Variants in CRACR2A observed in about 807,000 individuals in gnomAD.
The protein encoded by CRACR2A is calcium release activated channel regulator 2A, also known as EF-hand calcium-binding domain-containing protein 4B.
Under a neutral mutation model 90.5 loss-of-function variants are expected in CRACR2A, and 79 were observed. That is an observed-to-expected ratio of 0.87 (90% CI 0.73 to 1.05). CRACR2A has a LOEUF of 1.05. CRACR2A is among the 50% of genes least tolerant of loss of function. The probability of loss-of-function intolerance (pLI) is 0.00; values close to 1 mark genes in which losing one functional copy is unlikely to be tolerated. For synonymous variants in CRACR2A, 338 were observed against 356.7 expected, an observed-to-expected ratio of 0.95 and a Z score of 0.59; for missense variants, 823 against 897.2, an observed-to-expected ratio of 0.92 and a Z score of 1.06.
At chr12:3,616,897 G>T in intron 19 of CRACR2A, 57 bp downstream of exon 19, 1 of 1,375,928 alleles carries the variant, frequency 7.3e-7, no homozygotes, top group Non-Finnish European at 1.0e-6. Flanking sequence ...GTGCCTCCCT[G>T]AAGGCAGACA....
chr12:3,706,795 G>T (rs912219798), intron 3 of CRACR2A, among the ~76,000 whole-genome samples: 4 of 151,984 alleles, frequency 2.6e-5, no homozygotes, highest in Admixed American at 2.0e-4. Context: ...GTAGAGTCGG[G>T]GTTTCACCAC....
chr12:3,734,652 TGC>T (rs1946420771), intron 1 of CRACR2A, among the ~76,000 whole-genome samples: 2 of 151,450 alleles, frequency 1.3e-5, no homozygotes, highest in Admixed American at 6.6e-5. Flanking sequence ...TGTGTGTGTG[TGC>T]ATATACATAA....
At chr12:3,730,499 C>T (rs2137852554) in intron 2 of CRACR2A, 1 of 152,254 alleles carries the variant, frequency 6.6e-6, no homozygotes, top group Admixed American at 6.5e-5. Context: ...CATGAAATGG[C>T]AGGTTTATTC....
intron 7 of CRACR2A, among the ~76,000 whole-genome samples, chr12:3,665,193 T>C (rs1221989310): frequency 6.6e-6 from 1 of 152,218 alleles, no homozygotes; most frequent in African/African-American, 2.4e-5. Context: ...AGGACAAAGA[T>C]GTGGAGGACC....
Position 3,638,111 on chromosome 12 carries a change from G to A in CRACR2A, c.1602+13C>T. 2 of 1,532,866 alleles carry A rather than the reference G, an allele frequency of 1.3e-6. No individual in the cohort carries two copies. Among genetic ancestry groups the A allele is most frequent in the Non-Finnish European group, 1.8e-6 (2 of 1,134,318 alleles). The allele number at this position is 1,532,866 out of a possible 1,614,324, so 95.0% of individuals were successfully genotyped here. ...AAGTGATGTGCATGAACCAAGGTAG[G>A]CTGTGCCCTTACCTTACACAGGGCT... On this transcript the variant is annotated intron_variant, in intron 14 of 19. Coordinates refer to ENST00000440314, the MANE Select transcript of CRACR2A (RefSeq NM_001144958.2).
intron 1 of CRACR2A, 136 bp from the exon 2 acceptor site, chr12:3,733,346 A>G (rs1946391438): frequency 6.6e-6 from 1 of 152,326 alleles, no homozygotes; most frequent in Non-Finnish European, 1.5e-5. Context: ...CCTCCTTTCT[A>G]GCAGAACTCC....
chr12:3,720,332 A>AAAAG (rs370876636), intron 2 of CRACR2A, among the ~76,000 whole-genome samples: 10 of 147,062 alleles, frequency 6.8e-5, no homozygotes, highest in South Asian at 2.2e-4. Context: ...AGACAGAAAG[A>AAAAG]AAAGAAAGAA....
intron 4 of CRACR2A, among the ~76,000 whole-genome samples, chr12:3,692,151 C>T (rs1160989164): frequency 3.3e-5 from 5 of 152,190 alleles, no homozygotes; most frequent in Non-Finnish European, 5.9e-5. Flanking sequence ...CTTTTTGTCA[C>T]ATCAGCCATC....
rs1162835309 is a variant in CRACR2A at position 3,616,820 on chromosome 12, C to T, written c.2111+134G>A. 10 of 674,574 alleles carry T rather than the reference C, an allele frequency of 1.5e-5. No homozygotes were observed. In the East Asian group the frequency reaches 2.7e-4, roughly 19 times the overall value. The allele number at this position is 674,574 out of a possible 1,614,324, so 41.8% of individuals were successfully genotyped here. A position where few individuals can be genotyped will look rare whatever the true frequency, so the allele number is the denominator to read the frequency against. ...AAGGCCCAGGACCCCGTTGCCTATA[C>T]TCAGAGGGCTCTGGCCAATAGGGAG... is the stretch of plus-strand genomic sequence containing the variant. On this transcript the variant is annotated intron_variant, in intron 19 of 19. Transcript: ENST00000440314.
At chr12:3,668,410 G>A (rs73047268) in intron 7 of CRACR2A, among the ~76,000 whole-genome samples, 12,552 of 152,182 alleles carry the variant, frequency 0.082, 607 homozygotes, top group African/African-American at 0.12. Context: ...GAGACGCACC[G>A]ATTTAGACTC....
chr12:3,690,123 T>C (rs1481182797), intron 4 of CRACR2A, among the ~76,000 whole-genome samples: 1 of 152,144 alleles, frequency 6.6e-6, no homozygotes, highest in African/African-American at 2.4e-5. Context: ...CTGGATTCAT[T>C]GATCTTTCTA....
chr12:3,689,096 A>C (rs1282944260), intron 4 of CRACR2A, among the ~76,000 whole-genome samples: 1 of 152,196 alleles, frequency 6.6e-6, no homozygotes, highest in African/African-American at 2.4e-5. Context: ...TTTTGGGCTG[A>C]GACTATGGGG....
At chr12:3,712,441 G>A (rs1043545085) in intron 3 of CRACR2A, among the ~76,000 whole-genome samples, 2 of 152,220 alleles carry the variant, frequency 1.3e-5, no homozygotes, top group African/African-American at 4.8e-5. Context: ...AGGTGAAGCA[G>A]GAGCTTGCAT....
chr12:3,637,709 T>C (rs1565467472), intron 14 of CRACR2A, among the ~76,000 whole-genome samples: 1 of 152,064 alleles, frequency 6.6e-6, no homozygotes. Flanking sequence ...CAGGATTAGT[T>C]TAGATTGTAT....
intron 12 of CRACR2A, among the ~76,000 whole-genome samples, chr12:3,644,066 ATG>A (rs1491049976): frequency 6.9e-6 from 1 of 145,368 alleles, no homozygotes; most frequent in African/African-American, 2.5e-5. Context: ...ATATATATAT[ATG>A]CACACACTAC....
chr12:3,720,103 T>C (rs1354686117), intron 2 of CRACR2A, among the ~76,000 whole-genome samples: 4 of 143,700 alleles, frequency 2.8e-5, no homozygotes, highest in African/African-American at 1.0e-4. Context: ...TAGGCAAGAA[T>C]AGCGAAACTC....
chr12:3,684,292 C>T (rs781768982), intron 4 of CRACR2A, among the ~76,000 whole-genome samples: 5 of 152,104 alleles, frequency 3.3e-5, no homozygotes, highest in Admixed American at 6.6e-5. Context: ...CTCTCTAGGA[C>T]GAGAGTGGGA....
chr12:3,646,543 T>G (rs1476461233), intron 11 of CRACR2A, among the ~76,000 whole-genome samples: 1 of 152,212 alleles, frequency 6.6e-6, no homozygotes, highest in African/African-American at 2.4e-5. Flanking sequence ...ACATTAGGAA[T>G]GTGCCAGGGT....
rs950988822 is a variant in CRACR2A at position 3,713,288 on chromosome 12, T to A, written c.-88A>T. The A allele has an allele frequency of 1.5e-5, 15 of 985,050 alleles. No individual in the cohort carries two copies. The highest frequency in any genetic ancestry group is 1.8e-5 in the African/African-American group (1 of 57,112). 61.0% of individuals were successfully genotyped at this position (985,050 alleles called of 1,614,324 possible). A position where few individuals can be genotyped will look rare whatever the true frequency, so the allele number is the denominator to read the frequency against. The stretch of plus-strand genomic sequence containing the variant: ...CCTGCAACTCTTCACACCTGGAGGG[T>A]ACTTTGGCCACTGGTGACTTGAATT... On this transcript the variant is annotated 5_prime_UTR_variant, in exon 3 of 20. Coordinates refer to ENST00000440314, the MANE Select transcript of CRACR2A (RefSeq NM_001144958.2).
Sources: gnomAD v4.1 joint callset for allele counts (sites outside exome capture counted in the v4.1 genomes callset) on GRCh38, gnomAD v4.1.1 for gene constraint, MANE v1.5 for transcripts, NCBI Gene and HGNC (gene_info 2026-07-23, HGNC 2026-07-21) for gene names.